Variants in GALNT5 observed in about 807,000 individuals in gnomAD.
GALNT5 encodes the protein UDP-GalNAc:polypeptide N-acetylgalactosaminyltransferase 5.
Under a neutral mutation model 85.4 loss-of-function variants are expected in GALNT5, and 72 were observed. That is an observed-to-expected ratio of 0.84 (90% CI 0.70 to 1.03). The LOEUF (loss-of-function observed/expected upper bound fraction) is 1.03. Ranked by LOEUF, GALNT5 falls within the 50% of genes least tolerant of loss-of-function variation. GALNT5 has a pLI of 0.00. For synonymous variants in GALNT5, 404 were observed against 397.0 expected, an observed-to-expected ratio of 1.02 and a Z score of -0.21; for missense variants, 1,137 against 1,135.5, an observed-to-expected ratio of 1.00 and a Z score of -0.02.
intron 1 of GALNT5, 92 bp from the exon 2 acceptor site, chr2:157,284,190 G>C (rs1682918032): frequency 1.1e-6 from 1 of 905,152 alleles, no homozygotes; most frequent in East Asian, 2.4e-5. Flanking sequence ...AAGTGTGTGT[G>C]TATATGCACA....
Position 157,258,904 on chromosome 2 carries a change from G to T in GALNT5, c.822G>T (p.Thr274=). The T allele has an allele frequency of 6.4e-7, 1 of 1,560,330 alleles. No individual in the cohort carries two copies. Among genetic ancestry groups the T allele is most frequent in the South Asian group, 1.2e-5 (1 of 81,258 alleles). Residue 274 remains threonine (T), a synonymous_variant, in exon 1 of 10, where the codon ACG becomes ACT. Transcript: ENST00000259056. ...ATGCAAATAAACACAAAGCCAATAC[G>T]AGTCTTCCTTTTCCTAAGTTCACTG... ...EVNANKHKAN[T]SLPFPKFTVN...
At chr2:157,290,520 A>C (rs1683077727) in intron 3 of GALNT5, among the ~76,000 whole-genome samples, 1 of 152,090 alleles carries the variant, frequency 6.6e-6, no homozygotes, top group African/African-American at 2.4e-5. Flanking sequence ...CACAGCTCTC[A>C]AGAGTAGAGA....
intron 1 of GALNT5, among the ~76,000 whole-genome samples, chr2:157,261,316 C>G (rs148158574): frequency 2.0e-5 from 3 of 152,188 alleles, no homozygotes; most frequent in Non-Finnish European, 4.4e-5. Flanking sequence ...CAAGTAATAA[C>G]GATGTTATCA....
intron 8 of GALNT5, among the ~76,000 whole-genome samples, chr2:157,307,220 T>C (rs545197886): frequency 9.2e-5 from 14 of 152,294 alleles, no homozygotes; most frequent in Admixed American, 3.9e-4. Flanking sequence ...CTTCTGCCTC[T>C]TGTGGTTTGC....
chr2:157,285,226 G>C (rs1315658083), intron 2 of GALNT5, among the ~76,000 whole-genome samples: 1 of 152,194 alleles, frequency 6.6e-6, no homozygotes, highest in Non-Finnish European at 1.5e-5. Context: ...CTGAGCTCAA[G>C]AAGCTGTGGG....
At chr2:157,262,225 A>AT (rs1174346435) in intron 1 of GALNT5, among the ~76,000 whole-genome samples, 3 of 151,072 alleles carry the variant, frequency 2.0e-5, no homozygotes, top group African/African-American at 4.9e-5. Flanking sequence ...AAAAAAAAAA[A>AT]GCGCACAGAT....
rs1170437341 is a variant in GALNT5 at position 157,315,144 on chromosome 2, T to C, written c.*3796T>C. On this transcript the variant is annotated 3_prime_UTR_variant, in exon 10 of 10. Coordinates refer to ENST00000259056, the MANE Select transcript of GALNT5 (RefSeq NM_014568.3). ...AAAATCTTGGATTAAAACAAAAAAATGACATTGGGTGATGGGAAAAAAGAA... is the reference window on the plus strand; with the variant it reads ...AAAATCTTGGATTAAAACAAAAAAACGACATTGGGTGATGGGAAAAAAGAA... 6.6e-6 allele frequency among the ~76,000 whole-genome samples: 1 copy of C among 152,030 alleles called. No homozygotes were observed. The highest frequency in any genetic ancestry group is 1.5e-5 in the Non-Finnish European group (1 of 68,000).
At position 157,258,134 on chromosome 2, in the gene GALNT5, A is replaced by G; in HGVS notation, c.52A>G (p.Ile18Val). 1 of 1,614,086 alleles carries G rather than the reference A, an allele frequency of 6.2e-7. No individual in the cohort carries two copies. Among genetic ancestry groups the G allele is most frequent in the Non-Finnish European group, 8.5e-7 (1 of 1,179,990 alleles). The change falls in exon 1 of 10, where the codon ATC (isoleucine) becomes GTC (valine). Residue 18 changes from isoleucine (I) to valine (V), a missense_variant. Ile to Val is a conservative substitution (Grantham distance 29). Transcript: ENST00000259056. ...AGGAAGTGGGCGAGTCTTGGCATTT[A>G]TCTTTGTAGCTTCTGTCATCTGGCT... ...FRGSGRVLAF[I>V]FVASVIWLLF... is the part of the protein sequence containing the mutation.
chr2:157,293,666 T>G (rs1683148478), intron 3 of GALNT5, among the ~76,000 whole-genome samples: 1 of 152,112 alleles, frequency 6.6e-6, no homozygotes. Context: ...CTAAACAGAA[T>G]CCTCAAGAAC....
intron 1 of GALNT5, among the ~76,000 whole-genome samples, chr2:157,276,625 G>C (rs1255480174): frequency 6.6e-6 from 1 of 152,130 alleles, no homozygotes; most frequent in East Asian, 1.9e-4. Flanking sequence ...GGTGTTTATA[G>C]TATTCTCTGA....
rs145970302 is a variant in GALNT5, at chr2:157,311,124, A to AT, written c.2683-77dup. 3,539 of 1,092,168 alleles carry AT rather than the reference A, an allele frequency of 3.2e-3. 94 individuals carry two copies. In the African/African-American group the frequency reaches 0.049, roughly 15 times the overall value. 67.7% of individuals were successfully genotyped at this position (1,092,168 alleles called of 1,614,324 possible). A position where few individuals can be genotyped will look rare whatever the true frequency, so the allele number is the denominator to read the frequency against. ...AAATCAAAAATATAACTGCCTGTCC[A>AT]TTTTTTTAATTGATTTTCATTTCTT... On this transcript the variant is annotated intron_variant, in intron 9 of 9. Transcript: ENST00000259056.
intron 1 of GALNT5, among the ~76,000 whole-genome samples, chr2:157,262,155 ACATAACTGT>A (rs148530106): frequency 0.013 from 1,972 of 151,736 alleles, 42 homozygotes; most frequent in African/African-American, 0.045. Flanking sequence ...ATGAATTCAC[ACATAACTGT>A]CATATCACAA....
In GALNT5 at chr2:157,258,567, A is replaced by G. The variant is rs1682252942; in HGVS notation, c.485A>G (p.Gln162Arg). Residue 162 changes from glutamine to arginine, a missense_variant, in exon 1 of 10, where the codon CAA becomes CGA. Transcript: ENST00000259056. Reference protein sequence around the residue: ...EASSHQGTPKQTTAQGAPKTS... With the variant: ...EASSHQGTPKRTTAQGAPKTS... ...TCCTCTCACCAGGGGACACCAAAGC[A>G]AACGACAGCTCAGGGGGCTCCAAAG... 2 of 1,613,450 alleles carry G rather than the reference A, an allele frequency of 1.2e-6. No homozygotes were observed. Among genetic ancestry groups the G allele is most frequent in the East Asian group, 2.2e-5 (1 of 44,760 alleles).
At chr2:157,284,583 G>A (rs1682930267) in intron 2 of GALNT5, 135 bp downstream of exon 2, 6 of 672,994 alleles carry the variant, frequency 8.9e-6, no homozygotes, top group Non-Finnish European at 1.6e-5. Context: ...GTTTTACGTG[G>A]AGCCTCAGAG....
rs2105175322 is a variant in GALNT5 at position 157,312,348 on chromosome 2, G to C, written c.*1000G>C. ...AATGGGTTCTAAAATATTTCAAAGG[G>C]AAAATGAAGTGAAGGAAACATCATG... On this transcript the variant is annotated 3_prime_UTR_variant, in exon 10 of 10. Coordinates refer to ENST00000259056, the MANE Select transcript of GALNT5 (RefSeq NM_014568.3). 6.6e-6 allele frequency: 1 copy of C among 151,918 alleles called. No homozygotes were observed. Among genetic ancestry groups the C allele is most frequent in the East Asian group, 1.9e-4 (1 of 5,180 alleles). The allele number at this position is 151,918 out of a possible 1,614,324, so 9.4% of individuals were successfully genotyped here.
chr2:157,284,392 G>A lies in GALNT5; in HGVS notation c.1565G>A (p.Arg522His). 1.2e-6 allele frequency: 2 copies of A among 1,613,786 alleles called. No individual in the cohort carries two copies. The highest frequency in any genetic ancestry group is 1.3e-5 in the African/African-American group (1 of 75,004). The change falls in exon 2 of 10, where the codon CGC (arginine) becomes CAC (histidine). Residue 522 changes from arginine to histidine, a missense_variant. Arg to His is a conservative substitution (Grantham distance 29, BLOSUM62 0). Coordinates refer to ENST00000259056, the MANE Select transcript of GALNT5 (RefSeq NM_014568.3). Reference sequence around the variant, plus strand: ...AGATCTGTTCACAGTGTCATCAATCGCTCTCCTCCACACCTCATCAAGGAG... The same window carrying A: ...AGATCTGTTCACAGTGTCATCAATCACTCTCCTCCACACCTCATCAAGGAG... ...LLRSVHSVIN[R>H]SPPHLIKEIL...
chr2:157,262,314 T>C (rs1408424767), intron 1 of GALNT5, among the ~76,000 whole-genome samples: 1 of 151,590 alleles, frequency 6.6e-6, no homozygotes, highest in Non-Finnish European at 1.5e-5. Flanking sequence ...TAAAGATGAA[T>C]GAGCTGATGT....
intron 1 of GALNT5, among the ~76,000 whole-genome samples, chr2:157,267,286 G>T (rs1682476516): frequency 6.6e-6 from 1 of 152,182 alleles, no homozygotes. Flanking sequence ...ACAGAAGTAA[G>T]TAGAGTCCAG....
At chr2:157,276,027 T>G (rs1487456599) in intron 1 of GALNT5, among the ~76,000 whole-genome samples, 1 of 152,236 alleles carries the variant, frequency 6.6e-6, no homozygotes, top group Non-Finnish European at 1.5e-5. Flanking sequence ...GTTTTTAGCA[T>G]GAAGGGCTGT....
Sources: allele counts gnomAD v4.1 joint callset (sites outside exome capture counted in the v4.1 genomes callset), GRCh38; gene constraint gnomAD v4.1.1; transcripts MANE v1.5; gene names NCBI Gene and HGNC (gene_info 2026-07-23, HGNC 2026-07-21).